Variants in SRP54 observed in about 807,000 individuals in gnomAD.
The protein encoded by SRP54 is signal recognition particle 54.
SRP54 carries 10 observed loss-of-function variants against 64.8 expected under a neutral mutation model. The observed-to-expected ratio is 0.15, with a 90% CI of 0.10 to 0.26. SRP54 has a LOEUF of 0.26. Ranked by LOEUF, SRP54 falls within the 10% of genes least tolerant of loss-of-function variation. SRP54 has a pLI of 1.00. For missense variants in SRP54, 325 were observed against 613.7 expected, an observed-to-expected ratio of 0.53 and a Z score of 4.97; for synonymous variants, 193 against 185.6, an observed-to-expected ratio of 1.04 and a Z score of -0.32.
At chr14:35,028,060 C>A in intron 14 of SRP54, 28 bp from the exon 15 acceptor site, 1 of 1,522,946 alleles carries the variant, frequency 6.6e-7, no homozygotes, top group Non-Finnish European at 9.1e-7. Flanking sequence ...CCTACGCTGA[C>A]TCAAAATCTT....
chr14:34,984,331 G>C (rs1236707660), intron 1 of SRP54, among the ~76,000 whole-genome samples: 1 of 152,122 alleles, frequency 6.6e-6, no homozygotes, highest in Non-Finnish European at 1.5e-5. Context: ...ATTAGTAAAA[G>C]CTCCTATCTC....
intron 4 of SRP54, among the ~76,000 whole-genome samples, chr14:35,002,808 A>G (rs2044197909): frequency 7.2e-6 from 1 of 139,632 alleles, no homozygotes; most frequent in Non-Finnish European, 1.5e-5. Context: ...TAGTGGTGCA[A>G]TCATGGCTCA....
At chr14:35,018,499 C>T in intron 11 of SRP54, 193 bp from the exon 12 acceptor site, 1 of 532,972 alleles carries the variant, frequency 1.9e-6, no homozygotes. Flanking sequence ...TATGATAGGA[C>T]CTGTCTTTGT....
At chr14:34,995,134 GGTGT>G (rs35829734) in intron 1 of SRP54, among the ~76,000 whole-genome samples, 6,216 of 69,946 alleles carry the variant, frequency 0.089, 325 homozygotes, top group African/African-American at 0.12. Flanking sequence ...ATCAATAAAG[GGTGT>G]GTGTGTGTGT....
At chr14:34,991,007 A>C (rs1458599978) in intron 1 of SRP54, among the ~76,000 whole-genome samples, 1 of 152,086 alleles carries the variant, frequency 6.6e-6, no homozygotes, top group Non-Finnish European at 1.5e-5. Context: ...CATTTTTATT[A>C]AGGATTTACT....
chr14:35,008,955 T>C (rs1566650308), intron 7 of SRP54, 124 bp downstream of exon 7: 1 of 690,698 alleles, frequency 1.4e-6, no homozygotes. Flanking sequence ...GGTGCGATCT[T>C]GGCTCACTGC....
chr14:35,025,196 CTG>C (rs746692852), intron 14 of SRP54, among the ~76,000 whole-genome samples: 7 of 152,120 alleles, frequency 4.6e-5, no homozygotes, highest in Non-Finnish European at 7.4e-5. Flanking sequence ...AATTCAGAGT[CTG>C]TGAAAATTTG....
intron 1 of SRP54, among the ~76,000 whole-genome samples, chr14:34,996,153 T>G (rs1036494820): frequency 1.3e-5 from 2 of 152,154 alleles, no homozygotes; most frequent in African/African-American, 4.8e-5. Flanking sequence ...AATCACTTAG[T>G]ATAGCGCTTC....
intron 1 of SRP54, among the ~76,000 whole-genome samples, chr14:34,987,271 G>GTT (rs2043913665): frequency 9.6e-6 from 1 of 104,454 alleles, no homozygotes; most frequent in Admixed American, 1.2e-4. Flanking sequence ...GTGTGTGTGT[G>GTT]TGTGTATATA....
In SRP54 at chr14:35,029,343, A is replaced by G; in HGVS notation, c.*191A>G. The G allele has an allele frequency of 2.2e-6, 1 of 444,486 alleles. No homozygotes were observed. The highest frequency in any genetic ancestry group is 3.9e-5 in the South Asian group (1 of 25,358). 27.5% of individuals were successfully genotyped at this position (444,486 alleles called of 1,614,324 possible). A position where few individuals can be genotyped will look rare whatever the true frequency, so the allele number is the denominator to read the frequency against. On this transcript the variant is annotated 3_prime_UTR_variant, in exon 16 of 16. Coordinates refer to ENST00000216774, the MANE Select transcript of SRP54 (RefSeq NM_003136.4). The stretch of plus-strand genomic sequence containing the variant: ...TTCTTTCCTCCCTTTAATATAAGGG[A>G]GAAATACATGGTTTTTGTGGAAATC...
intron 3 of SRP54, among the ~76,000 whole-genome samples, chr14:35,000,515 C>T (rs1305038588): frequency 1.3e-5 from 2 of 149,716 alleles, no homozygotes; most frequent in Non-Finnish European, 3.0e-5. Context: ...TGCAGTGAGC[C>T]GAGATCATGC....
chr14:35,006,354 A>G (rs2044257676), intron 4 of SRP54, among the ~76,000 whole-genome samples: 1 of 152,230 alleles, frequency 6.6e-6, no homozygotes, highest in Non-Finnish European at 1.5e-5. Context: ...CAAATTGAAT[A>G]TGGACATTAG....
chr14:35,013,234 C>A, intron 8 of SRP54, 112 bp from the exon 9 acceptor site: 1 of 983,350 alleles, frequency 1.0e-6, no homozygotes, highest in Non-Finnish European at 1.5e-6. Context: ...GGATTACAGG[C>A]ATGAGCCACT....
At chr14:35,021,622 C>T (rs977279541) in intron 13 of SRP54, among the ~76,000 whole-genome samples, 2 of 148,604 alleles carry the variant, frequency 1.3e-5, no homozygotes, top group African/African-American at 4.9e-5. Context: ...GACAGAGCAA[C>T]ACTCTGTCTC....
rs530900642 is a variant in SRP54, at chr14:34,989,212, GGACTTT to G, written c.-34+5998_-34+6003del. ...GTCATTGACAAGGACTTAGAAGAAAGGACTTTTGGCCAGGTGCAGTGGCTCATGCCT... is the reference window on the plus strand; with the variant it reads ...GTCATTGACAAGGACTTAGAAGAAAGTGGCCAGGTGCAGTGGCTCATGCCT... On this transcript the variant is annotated intron_variant, in intron 1 of 15. Transcript: ENST00000216774. Among the ~76,000 whole-genome samples the G allele has an allele frequency of 3.9e-5, 6 of 152,264 alleles. No homozygotes were observed. The South Asian group carries it at 1.2e-3, about 32-fold the overall frequency.
At chr14:34,983,449 G>C (rs2043840702) in intron 1 of SRP54, among the ~76,000 whole-genome samples, 1 of 152,204 alleles carries the variant, frequency 6.6e-6, no homozygotes, top group African/African-American at 2.4e-5. Context: ...ATAAGATGTA[G>C]GCAGTTGCAG....
At chr14:35,027,211 G>A (rs1480759701) in intron 14 of SRP54, among the ~76,000 whole-genome samples, 2 of 151,830 alleles carry the variant, frequency 1.3e-5, no homozygotes, top group South Asian at 4.1e-4. Flanking sequence ...TGTATTGTTA[G>A]TGGAGACGGG....
chr14:34,998,429 C>T (rs1443811118), intron 2 of SRP54, among the ~76,000 whole-genome samples: 1 of 152,106 alleles, frequency 6.6e-6, no homozygotes, highest in Non-Finnish European at 1.5e-5. Context: ...GCCTCCTTTC[C>T]ACCTGTATTC....
intron 11 of SRP54, among the ~76,000 whole-genome samples, chr14:35,016,485 A>G (rs977680446): frequency 1.3e-5 from 2 of 152,024 alleles, no homozygotes; most frequent in African/African-American, 4.8e-5. Flanking sequence ...CAGTCCCTCT[A>G]TCTCTCTTCT....
Sources: gnomAD v4.1 joint callset for allele counts (sites outside exome capture counted in the v4.1 genomes callset) on GRCh38, gnomAD v4.1.1 for gene constraint, MANE v1.5 for transcripts, NCBI Gene and HGNC (gene_info 2026-07-23, HGNC 2026-07-21) for gene names.